PBLD: variants seen among roughly 807,000 people sequenced by gnomAD.
The protein encoded by PBLD is phenazine biosynthesis like protein domain containing, also known as phenazine biosynthesis-like domain-containing protein.
In PBLD, 26 loss-of-function variants were observed where a neutral mutation model predicts 31.3. That is an observed-to-expected ratio of 0.83 (90% CI 0.61 to 1.15). The LOEUF is 1.15. Ranked by LOEUF, PBLD falls within the 50% of genes most tolerant of loss-of-function variation. The probability of loss-of-function intolerance (pLI) is 0.00; values close to 1 mark genes in which losing one functional copy is unlikely to be tolerated. For synonymous variants in PBLD, 114 were observed against 129.0 expected (o/e 0.88, Z 0.79); for missense variants, 307 against 351.7 (o/e 0.87, Z 1.02).
intron 6 of PBLD, among the ~76,000 whole-genome samples, chr10:68,289,518 TGA>T (rs2044330208): frequency 6.6e-6 from 1 of 152,026 alleles, no homozygotes; most frequent in African/African-American, 2.4e-5. Context: ...CACTCCAGCC[TGA>T]GAGACAGAAT....
At position 68,300,260 on chromosome 10, in the gene PBLD, C is replaced by T. The variant is rs139412687; in HGVS notation, c.85-3275G>A. 3.2e-3 allele frequency among the ~76,000 whole-genome samples: 490 copies of T among 152,274 alleles called. 10 individuals are homozygous for T. The highest frequency in any genetic ancestry group is 0.029 in the Admixed American group (444 of 15,290). ...AGATAACTCATCCCAGTGCCCAACA[C>T]GTAGTAGGTACTTGATACATGTTAG... On this transcript the variant is annotated intron_variant, in intron 2 of 9. Coordinates refer to ENST00000358769, the MANE Select transcript of PBLD (RefSeq NM_022129.4).
chr10:68,305,152 G>A (rs561172873), intron 2 of PBLD, among the ~76,000 whole-genome samples: 29 of 151,936 alleles, frequency 1.9e-4, no homozygotes, highest in Admixed American at 1.7e-3. Flanking sequence ...TTGAATCCAG[G>A]AGTTTGAGAC....
chr10:68,298,888 C>T (rs1337348213), intron 2 of PBLD, among the ~76,000 whole-genome samples: 1 of 151,802 alleles, frequency 6.6e-6, no homozygotes, highest in Non-Finnish European at 1.5e-5. Context: ...AGGTGGATCA[C>T]GAGGTCAGGA....
chr10:68,288,927 T>G lies in PBLD; in HGVS notation c.512+4A>C. Reference sequence around the variant, plus strand: ...CAAAGTGCTGATGCAGCCAAAAATCTTACCTGTTGTAAACGTCACTGAGGC... The same window carrying G: ...CAAAGTGCTGATGCAGCCAAAAATCGTACCTGTTGTAAACGTCACTGAGGC... On this transcript the variant is annotated splice_donor_region_variant and intron_variant, in intron 7 of 9. Coordinates refer to ENST00000358769, the MANE Select transcript of PBLD (RefSeq NM_022129.4). The G allele has an allele frequency of 6.2e-7, 1 of 1,613,766 alleles. No individual in the cohort carries two copies. Among genetic ancestry groups the G allele is most frequent in the Non-Finnish European group, 8.5e-7 (1 of 1,179,660 alleles).
intron 1 of PBLD, among the ~76,000 whole-genome samples, chr10:68,324,010 G>A (rs533729359): frequency 1.6e-4 from 24 of 152,228 alleles, no homozygotes; most frequent in South Asian, 1.2e-3. Flanking sequence ...CAACACACCC[G>A]ATATTCCTGT....
chr10:68,318,737 C>G (rs1194008418), intron 1 of PBLD, among the ~76,000 whole-genome samples: 1 of 151,850 alleles, frequency 6.6e-6, no homozygotes, highest in Non-Finnish European at 1.5e-5. Context: ...GTATGATTCT[C>G]CAGGCAACCA....
In PBLD at chr10:68,299,136, C is replaced by T. The variant is rs147748086; in HGVS notation, c.85-2151G>A. On this transcript the variant is annotated intron_variant, in intron 2 of 9. Coordinates refer to ENST00000358769, the MANE Select transcript of PBLD (RefSeq NM_022129.4). ...AAAAAAAAAAAAAAAAAAGTGGACC[C>T]GAAGTATGTTTTCCTTTTGAGAAGA... 1.3e-3 allele frequency among the ~76,000 whole-genome samples: 197 copies of T among 149,210 alleles called. 1 individual carries two copies. Among genetic ancestry groups the T allele is most frequent in the African/African-American group, 4.2e-3 (171 of 40,720 alleles).
chr10:68,330,114 C>G (rs1247661107), intron 1 of PBLD, among the ~76,000 whole-genome samples: 1 of 152,048 alleles, frequency 6.6e-6, no homozygotes, highest in Non-Finnish European at 1.5e-5. Flanking sequence ...TTTTCCATCT[C>G]TTTTAATGAT....
At chr10:68,287,695 C>G (rs2044306164) in intron 8 of PBLD, 1 of 152,262 alleles carries the variant, frequency 6.6e-6, no homozygotes, top group African/African-American at 2.4e-5. Flanking sequence ...TTGACTCATC[C>G]CTCTGCTCCC....
intron 1 of PBLD, among the ~76,000 whole-genome samples, chr10:68,323,516 C>T (rs922706169): frequency 2.0e-5 from 3 of 152,118 alleles, no homozygotes; most frequent in African/African-American, 7.2e-5. Context: ...GAGCTGAGCA[C>T]ACCACTGCAC....
At chr10:68,304,787 C>A (rs1463969809) in intron 2 of PBLD, among the ~76,000 whole-genome samples, 3 of 152,202 alleles carry the variant, frequency 2.0e-5, no homozygotes, top group African/African-American at 4.8e-5. Flanking sequence ...TTTTGACAAG[C>A]AGTTATAGTC....
rs567627775 is a variant in PBLD at position 68,319,112 on chromosome 10, G to A, written c.-59-12209C>T. Reference sequence around the variant, plus strand: ...GAAAGAAAGAAAGAAAGAAAGAAAGGAAAAAGAAAGAAAGAGAGAAGGAGA... The same window carrying A: ...GAAAGAAAGAAAGAAAGAAAGAAAGAAAAAAGAAAGAAAGAGAGAAGGAGA... On this transcript the variant is annotated intron_variant, in intron 1 of 9. Transcript: ENST00000358769. Among the ~76,000 whole-genome samples the A allele has an allele frequency of 1.3e-3, 62 of 48,338 alleles. 1 individual carries two copies. The highest frequency in any genetic ancestry group is 4.9e-3 in the African/African-American group (45 of 9,200). 31.7% of individuals were successfully genotyped at this position (48,338 alleles called of 152,430 possible).
chr10:68,306,176 C>T (rs1266316672), intron 2 of PBLD, among the ~76,000 whole-genome samples: 1 of 150,136 alleles, frequency 6.7e-6, no homozygotes, highest in Non-Finnish European at 1.5e-5. Context: ...TTTAACTATT[C>T]CATTAATATT....
At chr10:68,322,600 G>A (rs2044853186) in intron 1 of PBLD, among the ~76,000 whole-genome samples, 1 of 150,714 alleles carries the variant, frequency 6.6e-6, no homozygotes, top group Non-Finnish European at 1.5e-5. Flanking sequence ...GGAGATCGAG[G>A]CTGCAATAAG....
rs112264819 is a variant in PBLD, at chr10:68,315,576, C to CA, written c.-59-8674dup. 4.4e-3 allele frequency among the ~76,000 whole-genome samples: 485 copies of CA among 110,154 alleles called. 1 individual carries two copies. Among genetic ancestry groups the CA allele is most frequent in the African/African-American group, 0.01 (329 of 32,842 alleles). The allele number at this position is 110,154 out of a possible 152,430, so 72.3% of individuals were successfully genotyped here. A position where few individuals can be genotyped will look rare whatever the true frequency, so the allele number is the denominator to read the frequency against. ...CTCCAGCCTGGTGAGAGTCTGTCTC[C>CA]AAAAAAAAAAAAAGACAAGAAAAAA... On this transcript the variant is annotated intron_variant, in intron 1 of 9. Transcript: ENST00000358769.
At chr10:68,327,983 T>C (rs534709913) in intron 1 of PBLD, among the ~76,000 whole-genome samples, 2 of 152,314 alleles carry the variant, frequency 1.3e-5, no homozygotes, top group Non-Finnish European at 2.9e-5. Context: ...TGAACAGGCC[T>C]TTTGGTTGCC....
intron 1 of PBLD, among the ~76,000 whole-genome samples, chr10:68,319,609 T>C (rs2044801631): frequency 6.6e-6 from 1 of 151,862 alleles, no homozygotes; most frequent in South Asian, 2.1e-4. Flanking sequence ...TAAGCCCAGC[T>C]ACTCAGGAGG....
At chr10:68,315,801 G>A (rs1372542649) in intron 1 of PBLD, among the ~76,000 whole-genome samples, 2 of 152,126 alleles carry the variant, frequency 1.3e-5, no homozygotes, top group African/African-American at 2.4e-5. Flanking sequence ...TCAAGGGTGT[G>A]CCCCAGCATG....
At chr10:68,296,071 C>CT in intron 4 of PBLD, 195 bp downstream of exon 4, 1 of 428,106 alleles carries the variant, frequency 2.3e-6, no homozygotes, top group Non-Finnish European at 4.2e-6. Flanking sequence ...TCCAATGATG[C>CT]TGGGCACATA....
Sources: allele counts gnomAD v4.1 joint callset (sites outside exome capture counted in the v4.1 genomes callset), GRCh38; gene constraint gnomAD v4.1.1; transcripts MANE v1.5; gene names NCBI Gene and HGNC (gene_info 2026-07-23, HGNC 2026-07-21).